Variants in IFNGR2 observed in about 807,000 individuals in gnomAD.
IFNGR2 encodes the protein interferon gamma receptor 2.
In IFNGR2, 15 loss-of-function variants were observed where a neutral mutation model predicts 41.1. The observed-to-expected ratio is 0.37, with a 90% confidence interval of 0.24 to 0.56. The LOEUF (loss-of-function observed/expected upper bound fraction) is 0.56. Among genes scored for constraint, IFNGR2 ranks in the 20% least tolerant of loss-of-function variants. IFNGR2 has a pLI of 0.81. For missense variants in IFNGR2, 362 were observed against 415.7 expected (o/e 0.87, Z 1.12); for synonymous variants, 161 against 171.6 (o/e 0.94, Z 0.48).
At chr21:33,419,725 C>T (rs2083778347) in intron 2 of IFNGR2, among the ~76,000 whole-genome samples, 1 of 152,198 alleles carries the variant, frequency 6.6e-6, no homozygotes, top group South Asian at 2.1e-4. Flanking sequence ...TATTTTCTTA[C>T]ACTTCTAGAA....
At chr21:33,411,164 G>A (rs1438967090) in intron 1 of IFNGR2, among the ~76,000 whole-genome samples, 2 of 152,226 alleles carry the variant, frequency 1.3e-5, no homozygotes. Context: ...TAGGAAACCC[G>A]GATATAAGGC....
intron 4 of IFNGR2, 131 bp downstream of exon 4, chr21:33,427,163 C>T (rs2083845896): frequency 1.2e-6 from 1 of 824,090 alleles, no homozygotes; most frequent in Non-Finnish European, 2.1e-6. Flanking sequence ...GAGGCTGAGC[C>T]CTGAGCCTGT....
chr21:33,421,681 G>A lies in IFNGR2; in HGVS notation c.408G>A (p.Arg136=), dbSNP rs2123349302. 4 of 1,612,108 alleles carry A rather than the reference G, an allele frequency of 2.5e-6. No homozygotes were observed. The highest frequency in any genetic ancestry group is 3.4e-6 in the Non-Finnish European group (4 of 1,178,102). ...WVTMPWFQHY[R]NVTVGPPENI... ...CAATGCCTTGGTTTCAACACTATCG[G>A]AATGGTAAGAGAACTTGAGTATAGA... The change falls in exon 3 of 7, where the codon CGG becomes CGA. Residue 136 remains arginine, a synonymous_variant. Coordinates refer to ENST00000290219, the MANE Select transcript of IFNGR2 (RefSeq NM_005534.4).
chr21:33,411,656 A>C (rs942834320), intron 1 of IFNGR2: 2 of 371,314 alleles, frequency 5.4e-6, no homozygotes, highest in Admixed American at 6.1e-5. Context: ...GGTCCCCAAA[A>C]GATGGAGCAG....
intron 4 of IFNGR2, among the ~76,000 whole-genome samples, chr21:33,429,343 T>A (rs1235076410): frequency 4.8e-4 from 1 of 2,068 alleles, no homozygotes; most frequent in Non-Finnish European, 6.4e-4. Context: ...AGAGTCACAC[T>A]CTGATTTCGT....
chr21:33,414,573 A>AT (rs2083740722), intron 1 of IFNGR2, among the ~76,000 whole-genome samples: 1 of 152,186 alleles, frequency 6.6e-6, no homozygotes, highest in African/African-American at 2.4e-5. Context: ...GCAGTTACTA[A>AT]TGGTAGAACT....
chr21:33,406,782 G>A lies in IFNGR2; in HGVS notation c.73+3166G>A, dbSNP rs570444091. ...CCCACCTCAGCCTCCTGAGTAGCTGGGACTACACGTGCACGCCATCATACC... is the reference window on the plus strand; with the variant it reads ...CCCACCTCAGCCTCCTGAGTAGCTGAGACTACACGTGCACGCCATCATACC... On this transcript the variant is annotated intron_variant, in intron 1 of 6. Coordinates refer to ENST00000290219, the MANE Select transcript of IFNGR2 (RefSeq NM_005534.4). 5.9e-5 allele frequency among the ~76,000 whole-genome samples: 9 copies of A among 151,864 alleles called. No individual in the cohort carries two copies. In the East Asian group the frequency reaches 1.4e-3, roughly 23 times the overall value.
chr21:33,408,166 A>C (rs922044227), intron 1 of IFNGR2, among the ~76,000 whole-genome samples: 1 of 152,026 alleles, frequency 6.6e-6, no homozygotes, highest in African/African-American at 2.4e-5. Flanking sequence ...TAATCAAACT[A>C]TGCTGTTAAG....
chr21:33,409,737 C>G (rs1360227811), intron 1 of IFNGR2, among the ~76,000 whole-genome samples: 1 of 152,176 alleles, frequency 6.6e-6, no homozygotes, highest in Admixed American at 6.5e-5. Flanking sequence ...GCGCTTGAGA[C>G]TCTGCCTAGG....
chr21:33,413,175 T>TC (rs2083729109), intron 1 of IFNGR2, among the ~76,000 whole-genome samples: 1 of 152,176 alleles, frequency 6.6e-6, no homozygotes, highest in Non-Finnish European at 1.5e-5. Flanking sequence ...ACCACCCCCC[T>TC]CTGGAAGCAT....
intron 6 of IFNGR2, among the ~76,000 whole-genome samples, chr21:33,433,563 A>G (rs977877611): frequency 2.0e-5 from 3 of 152,134 alleles, no homozygotes; most frequent in Admixed American, 2.0e-4. Context: ...AGAGTCATCA[A>G]ATCCATAAAG....
Position 33,416,821 on chromosome 21 carries a change from C to CA in IFNGR2, c.206+1817dup, listed in dbSNP as rs11356057. Reference sequence around the variant, plus strand: ...TGGGCGACAGAGCGAGACTCCATCTCAAAAAAAAAAAAAAAAGAATAGAAA... The same window carrying CA: ...TGGGCGACAGAGCGAGACTCCATCTCAAAAAAAAAAAAAAAAAGAATAGAAA... On this transcript the variant is annotated intron_variant, in intron 2 of 6. Coordinates refer to ENST00000290219, the MANE Select transcript of IFNGR2 (RefSeq NM_005534.4). Among the ~76,000 whole-genome samples the CA allele has an allele frequency of 3.5e-3, 404 of 113,980 alleles. 13 individuals carry two copies. The highest frequency in any genetic ancestry group is 0.014 in the South Asian group (50 of 3,556). The allele number at this position is 113,980 out of a possible 152,430, so 74.8% of individuals were successfully genotyped here. A position where few individuals can be genotyped will look rare whatever the true frequency, so the allele number is the denominator to read the frequency against.
In IFNGR2 at chr21:33,403,590, TCGCCGCCGC is replaced by T. The variant is rs765468464; in HGVS notation, c.54_62del (p.Ala20_Ala22del). The T allele has an allele frequency of 4.5e-5, 61 of 1,370,086 alleles. No homozygotes were observed. Among genetic ancestry groups the T allele is most frequent in the Non-Finnish European group, 5.8e-5 (61 of 1,058,956 alleles). The allele number at this position is 1,370,086 out of a possible 1,614,324, so 84.9% of individuals were successfully genotyped here. ...TCGCTGCTGCTGCTGCTCGGAGTCT[TCGCCGCCGC>T]CGCCGCGGCCCCGCCAGGTGAGCCG... On this transcript the variant is annotated inframe_deletion, in exon 1 of 7. Coordinates refer to ENST00000290219, the MANE Select transcript of IFNGR2 (RefSeq NM_005534.4).
chr21:33,432,933 G>A (rs187271417), intron 6 of IFNGR2, 62 bp downstream of exon 6: 47 of 1,384,346 alleles, frequency 3.4e-5, no homozygotes, highest in East Asian at 4.8e-5. Context: ...TTGCCCAGGC[G>A]GGAGTGTCAT....
intron 4 of IFNGR2, among the ~76,000 whole-genome samples, chr21:33,429,554 G>A (rs567242312): frequency 6.6e-6 from 1 of 152,266 alleles, no homozygotes; most frequent in African/African-American, 2.4e-5. Context: ...CCAGGGGTAG[G>A]CTTCCAGGAG....
chr21:33,437,205 T>G lies in IFNGR2; in HGVS notation c.*243T>G. 4 of 501,838 alleles carry G rather than the reference T, an allele frequency of 8.0e-6. No homozygotes were observed. Among genetic ancestry groups the G allele is most frequent in the South Asian group, 2.2e-5 (1 of 45,646 alleles). 31.1% of individuals were successfully genotyped at this position (501,838 alleles called of 1,614,324 possible). A position where few individuals can be genotyped will look rare whatever the true frequency, so the allele number is the denominator to read the frequency against. ...GGAGATATCCCAGGAAAATTAAGGC[T>G]TCTCTTAAACACTAAAAAGGCATGT... On this transcript the variant is annotated 3_prime_UTR_variant, in exon 7 of 7. Transcript: ENST00000290219.
chr21:33,414,779 A>G (rs1485082351), intron 1 of IFNGR2, 109 bp from the exon 2 acceptor site: 3 of 1,346,218 alleles, frequency 2.2e-6, no homozygotes, highest in African/African-American at 2.9e-5. Flanking sequence ...CACTTTGACA[A>G]AAACTGAGTT....
intron 1 of IFNGR2, among the ~76,000 whole-genome samples, chr21:33,409,687 C>T (rs1164844630): frequency 1.3e-5 from 2 of 152,144 alleles, no homozygotes; most frequent in East Asian, 3.9e-4. Flanking sequence ...CAGATGGTTA[C>T]AGAAGTTTGA....
intron 3 of IFNGR2, among the ~76,000 whole-genome samples, chr21:33,423,586 TAG>T (rs1163190947): frequency 2.0e-5 from 3 of 151,386 alleles, no homozygotes; most frequent in Non-Finnish European, 4.4e-5. Context: ...GTATTTTTAG[TAG>T]AGACGGGATT....
Sources: allele counts gnomAD v4.1 joint callset (sites outside exome capture counted in the v4.1 genomes callset), GRCh38; gene constraint gnomAD v4.1.1; transcripts MANE v1.5; gene names NCBI Gene and HGNC (gene_info 2026-07-23, HGNC 2026-07-21).